SLC24A2: variants seen among roughly 807,000 people sequenced by gnomAD.
SLC24A2 encodes sodium/potassium/calcium exchanger 2.
SLC24A2 carries 36 observed loss-of-function variants against 62.0 expected under a neutral mutation model. That is an observed-to-expected ratio of 0.58 (90% CI 0.44 to 0.77). The LOEUF (loss-of-function observed/expected upper bound fraction) is 0.77. SLC24A2 is among the 30% of genes least tolerant of loss of function. The probability of loss-of-function intolerance (pLI) is 0.00; values close to 1 mark genes in which losing one functional copy is unlikely to be tolerated. For synonymous variants in SLC24A2, 358 were observed against 294.0 expected, an observed-to-expected ratio of 1.22 and a Z score of -2.23; for missense variants, 846 against 817.9, an observed-to-expected ratio of 1.03 and a Z score of -0.42.
the SLC24A2 span, among the ~76,000 whole-genome samples, chr9:20,062,229 G>A: frequency 9.9e-5 from 15 of 152,104 alleles, no homozygotes; most frequent in South Asian, 6.2e-4. Flanking sequence ...ACCTTCTCTC[G>A]AAACAATAAA....
chr9:19,521,450 C>A (rs950466901), intron 9 of SLC24A2, among the ~76,000 whole-genome samples: 2 of 152,194 alleles, frequency 1.3e-5, no homozygotes, highest in South Asian at 4.1e-4. Flanking sequence ...ATTTGCCCTT[C>A]AACTTACTAC....
At chr9:19,653,532 T>C (rs7851478) in intron 2 of SLC24A2, among the ~76,000 whole-genome samples, 43,837 of 152,166 alleles carry the variant, frequency 0.29, 6,578 homozygotes, top group African/African-American at 0.33. Flanking sequence ...TAGTCTTCAT[T>C]CCAATAGCTT....
chr9:19,769,241 C>G (rs1822611820), intron 2 of SLC24A2, among the ~76,000 whole-genome samples: 1 of 152,192 alleles, frequency 6.6e-6, no homozygotes, highest in South Asian at 2.1e-4. Context: ...TTATCCTTCC[C>G]TCACCAAACC....
chr9:20,270,688 A>C, the SLC24A2 span, among the ~76,000 whole-genome samples: 1 of 152,212 alleles, frequency 6.6e-6, no homozygotes, highest in African/African-American at 2.4e-5. Flanking sequence ...ATATTTATTG[A>C]GTGCCTGCTA....
At chr9:20,052,352 T>C in the SLC24A2 span, among the ~76,000 whole-genome samples, 1 of 152,220 alleles carries the variant, frequency 6.6e-6, no homozygotes, top group African/African-American at 2.4e-5. Flanking sequence ...CATCTTCTCC[T>C]TTGGCGTTAT....
At chr9:19,673,758 T>C (rs529553370) in intron 2 of SLC24A2, among the ~76,000 whole-genome samples, 9 of 152,278 alleles carry the variant, frequency 5.9e-5, no homozygotes, top group Non-Finnish European at 8.8e-5. Flanking sequence ...ACGTGAGTTC[T>C]TATGTGTTAG....
At chr9:19,973,493 G>A in the SLC24A2 span, among the ~76,000 whole-genome samples, 1 of 152,234 alleles carries the variant, frequency 6.6e-6, no homozygotes, top group Non-Finnish European at 1.5e-5. Flanking sequence ...GCAAGGAGTA[G>A]TAGATAGACG....
intron 2 of SLC24A2, among the ~76,000 whole-genome samples, chr9:19,667,373 T>C (rs1438996279): frequency 1.3e-5 from 2 of 152,222 alleles, no homozygotes; most frequent in Non-Finnish European, 2.9e-5. Context: ...AATGATTCCA[T>C]TGCCCAACCA....
chr9:20,085,833 C>T, the SLC24A2 span, among the ~76,000 whole-genome samples: 6 of 152,148 alleles, frequency 3.9e-5, no homozygotes, highest in Non-Finnish European at 7.3e-5. Flanking sequence ...GTATTAAAAA[C>T]CTGACTTGTT....
the SLC24A2 span, among the ~76,000 whole-genome samples, chr9:20,108,271 A>G: frequency 1.3e-5 from 2 of 152,126 alleles, no homozygotes; most frequent in Non-Finnish European, 2.9e-5. Flanking sequence ...TAGTTCAACC[A>G]TTGTGGAAGT....
At chr9:19,565,691 A>ATC (rs1835620811) in intron 7 of SLC24A2, among the ~76,000 whole-genome samples, 1 of 152,222 alleles carries the variant, frequency 6.6e-6, no homozygotes, top group African/African-American at 2.4e-5. Context: ...AGCTGGAGGC[A>ATC]TCAGGCTACC....
At chr9:20,209,099 T>C in the SLC24A2 span, among the ~76,000 whole-genome samples, 1 of 152,242 alleles carries the variant, frequency 6.6e-6, no homozygotes, top group Non-Finnish European at 1.5e-5. Flanking sequence ...TTAAATGTGA[T>C]GATGTAACTC....
intron 2 of SLC24A2, among the ~76,000 whole-genome samples, chr9:19,684,424 C>T (rs765126346): frequency 4.6e-5 from 7 of 152,078 alleles, no homozygotes; most frequent in East Asian, 1.9e-4. Flanking sequence ...AACTAGTTTC[C>T]GTGATGATCA....
chr9:19,873,408 CTT>C, the SLC24A2 span, among the ~76,000 whole-genome samples: 1 of 141,154 alleles, frequency 7.1e-6, no homozygotes, highest in African/African-American at 2.7e-5. Flanking sequence ...CCTTCCTTCT[CTT>C]TCTTTCTTTC....
At chr9:20,285,846 G>C in the SLC24A2 span, among the ~76,000 whole-genome samples, 26 of 152,178 alleles carry the variant, frequency 1.7e-4, no homozygotes, top group Admixed American at 6.5e-5. Flanking sequence ...GGCATGCACA[G>C]AGGGAAGTCC....
chr9:20,217,192 T>C, the SLC24A2 span, among the ~76,000 whole-genome samples: 1 of 152,130 alleles, frequency 6.6e-6, no homozygotes, highest in Admixed American at 6.5e-5. Flanking sequence ...AAATATAATG[T>C]GGGGTAAAAG....
chr9:19,903,245 T>A, the SLC24A2 span, among the ~76,000 whole-genome samples: 4 of 152,054 alleles, frequency 2.6e-5, no homozygotes, highest in Non-Finnish European at 5.9e-5. Flanking sequence ...GCCAGCCTGG[T>A]TGGGTTGTTG....
chr9:20,013,998 C>A, the SLC24A2 span, among the ~76,000 whole-genome samples: 10 of 152,100 alleles, frequency 6.6e-5, no homozygotes, highest in African/African-American at 2.4e-4. Flanking sequence ...CACTTGAGCT[C>A]AGGAGTTGAG....
chr9:20,128,905 C>T, the SLC24A2 span, among the ~76,000 whole-genome samples: 1 of 151,954 alleles, frequency 6.6e-6, no homozygotes, highest in African/African-American at 2.4e-5. Flanking sequence ...ACATATGATG[C>T]CAAGAGCATG....
Sources: allele counts gnomAD v4.1 joint callset (sites outside exome capture counted in the v4.1 genomes callset), GRCh38; gene constraint gnomAD v4.1.1; transcripts MANE v1.5; gene names NCBI Gene and HGNC (gene_info 2026-07-23, HGNC 2026-07-21).